The following ANK1 variants were observed in gnomAD, a reference collection of about 807,000 sequenced individuals.
ANK1 encodes ankyrin-1.
ANK1 carries 51 observed loss-of-function variants against 210.4 expected under a neutral mutation model. The observed-to-expected ratio is 0.24, with a 90% CI of 0.19 to 0.31. ANK1 has a LOEUF of 0.31. Ranked by LOEUF, ANK1 falls within the 10% of genes least tolerant of loss-of-function variation. The pLI is 1.00. For synonymous variants in ANK1, 967 were observed against 1,025.9 expected (o/e 0.94, Z 1.10); for missense variants, 2,051 against 2,504.4 (o/e 0.82, Z 3.86).
chr8:41,669,099 T>C (rs981436742), intron 38 of ANK1, among the ~76,000 whole-genome samples: 9 of 150,910 alleles, frequency 6.0e-5, no homozygotes, highest in Non-Finnish European at 1.3e-4. Flanking sequence ...CTAGCTTTCC[T>C]GACTTCTGAA....
rs1010528195 is a variant in ANK1 at position 41,704,845 on chromosome 8, G to C, written c.2098-373C>G. Reference sequence around the variant, plus strand: ...AGAAAAGAGGAGGGAAACCTTGAGAGACCAGCATCACAGAATCCCAGGGGA... The same window carrying C: ...AGAAAAGAGGAGGGAAACCTTGAGACACCAGCATCACAGAATCCCAGGGGA... On this transcript the variant is annotated intron_variant, in intron 18 of 42. Coordinates refer to ENST00000289734, the MANE Select transcript of ANK1 (RefSeq NM_000037.4). This position sits in a 1 kb window ranked among gnomAD's most constrained non-coding sequence, Gnocchi z 4.1. Among the ~76,000 whole-genome samples, 1 of 152,152 alleles carries C rather than the reference G, an allele frequency of 6.6e-6. No individual in the cohort carries two copies. The highest frequency in any genetic ancestry group is 2.4e-5 in the African/African-American group (1 of 41,438).
chr8:41,869,023 A>G (rs542183463), intron 1 of ANK1, among the ~76,000 whole-genome samples: 11 of 152,338 alleles, frequency 7.2e-5, no homozygotes, highest in African/African-American at 2.6e-4. Flanking sequence ...GCAAGATTAA[A>G]TGGGATGAGG....
chr8:41,720,079 A>G (rs1828863613), intron 9 of ANK1, among the ~76,000 whole-genome samples: 1 of 152,126 alleles, frequency 6.6e-6, no homozygotes, highest in Non-Finnish European at 1.5e-5. Context: ...TGTCCAGCAG[A>G]CCCACCTCTT....
At chr8:41,728,136 G>A in intron 3 of ANK1, 130 bp from the exon 4 acceptor site, 1 of 746,850 alleles carries the variant, frequency 1.3e-6, no homozygotes, top group Non-Finnish European at 2.3e-6. Flanking sequence ...GGGTAGAAAG[G>A]ACACACGTGT....
intron 1 of ANK1, among the ~76,000 whole-genome samples, chr8:41,803,023 A>AAG (rs1850224424): frequency 3.9e-5 from 4 of 101,394 alleles, no homozygotes; most frequent in Admixed American, 2.0e-4. Flanking sequence ...GAAAGAAAGA[A>AAG]AGAAAGAAAG....
At chr8:41,793,415 G>C (rs750802678) in intron 1 of ANK1, among the ~76,000 whole-genome samples, 3 of 152,156 alleles carry the variant, frequency 2.0e-5, no homozygotes, top group Non-Finnish European at 4.4e-5. Context: ...AAATACAACA[G>C]TGCAGGATCA....
upstream of ANK1, among the ~76,000 whole-genome samples, chr8:41,799,212 TA>T (rs892708995): frequency 6.6e-6 from 1 of 152,052 alleles, no homozygotes; most frequent in Non-Finnish European, 1.5e-5. Context: ...GCCAGAAAGC[TA>T]AAAAATGTAA....
At chr8:41,666,575 C>T (rs1226499368) in intron 39 of ANK1, among the ~76,000 whole-genome samples, 1 of 152,238 alleles carries the variant, frequency 6.6e-6, no homozygotes, top group Non-Finnish European at 1.5e-5. Context: ...CATTTCAGGC[C>T]ACCTCCCAAG....
intron 40 of ANK1, 143 bp from the exon 41 acceptor site, chr8:41,662,084 C>T: frequency 9.2e-7 from 1 of 1,086,790 alleles, no homozygotes; most frequent in South Asian, 1.3e-5. Flanking sequence ...TGGTGAAACC[C>T]TGTCTCTACT....
rs202044850 is a variant in ANK1 at position 41,696,353 on chromosome 8, G to A, written c.2960+10C>T. 53 of 1,612,754 alleles carry A rather than the reference G, an allele frequency of 3.3e-5. No homozygotes were observed. The highest frequency in any genetic ancestry group is 1.3e-4 in the Admixed American group (8 of 60,028). Reference sequence around the variant, plus strand: ...ACAGGGGAGAACACGGGCTGCCCGCGCAAGCTCACCTCAGGAACTGTGCCC... The same window carrying A: ...ACAGGGGAGAACACGGGCTGCCCGCACAAGCTCACCTCAGGAACTGTGCCC... On this transcript the variant is annotated intron_variant, in intron 26 of 42. Coordinates refer to ENST00000289734, the MANE Select transcript of ANK1 (RefSeq NM_000037.4).
At chr8:41,870,827 G>A (rs1160665948) in intron 1 of ANK1, among the ~76,000 whole-genome samples, 2 of 152,218 alleles carry the variant, frequency 1.3e-5, no homozygotes, top group Non-Finnish European at 2.9e-5. Context: ...TGGCACAGGA[G>A]CATGTGGACA....
chr8:41,710,372 G>T (rs1825801472), intron 16 of ANK1, among the ~76,000 whole-genome samples: 1 of 152,218 alleles, frequency 6.6e-6, no homozygotes, highest in Non-Finnish European at 1.5e-5. Flanking sequence ...CAGAACAACA[G>T]ATAACCCAAC....
At chr8:41,662,047 A>G in intron 40 of ANK1, 106 bp from the exon 41 acceptor site, 4 of 1,418,862 alleles carry the variant, frequency 2.8e-6, no homozygotes, top group Non-Finnish European at 3.9e-6. Flanking sequence ...ATCTGAGGTC[A>G]GGAGTTTGAG....
rs745914244 is a variant in ANK1, at chr8:41,797,564, G to A, written c.-26C>T. On this transcript the variant is annotated 5_prime_UTR_variant, in exon 1 of 43. Coordinates refer to ENST00000289734, the MANE Select transcript of ANK1 (RefSeq NM_000037.4). The surrounding 1 kb of genome is among the most constrained non-coding windows in gnomAD (Gnocchi z 4.0). ...GCCGGTCTTTCAGCAGGGGCCCGCC[G>A]AAGGGCCTTGGGGGCTTGAGGAGGA... is the stretch of plus-strand genomic sequence containing the variant. 3 of 1,613,054 alleles carry A rather than the reference G, an allele frequency of 1.9e-6. No homozygotes were observed. Among genetic ancestry groups the A allele is most frequent in the Non-Finnish European group, 2.5e-6 (3 of 1,179,760 alleles).
Position 41,723,541 on chromosome 8 carries a change from C to T in ANK1, c.804G>A (p.Lys268=), listed in dbSNP as rs1447667158. The change falls in exon 8 of 43, where the codon AAG becomes AAA. Residue 268 remains lysine, a synonymous_variant. Coordinates refer to ENST00000289734, the MANE Select transcript of ANK1 (RefSeq NM_000037.4). Reference sequence around the variant, plus strand: ...AGCACCTGCTGGCACCCACCTTGGTCTTGGTTTCTATCTGGGCTCCCCGAT... The same window carrying T: ...AGCACCTGCTGGCACCCACCTTGGTTTTGGTTTCTATCTGGGCTCCCCGAT... ...LLDRGAQIET[K]TKDELTPLHC... 1 of 1,613,952 alleles carries T rather than the reference C, an allele frequency of 6.2e-7. No individual in the cohort carries two copies. The highest frequency in any genetic ancestry group is 1.3e-5 in the African/African-American group (1 of 74,926).
At chr8:41,839,398 C>T (rs1316099034) in intron 1 of ANK1, among the ~76,000 whole-genome samples, 1 of 152,240 alleles carries the variant, frequency 6.6e-6, no homozygotes, top group African/African-American at 2.4e-5. Flanking sequence ...ACTCTCCGCC[C>T]ACTCATTACA....
chr8:41,706,105 G>A (rs1358768911), intron 18 of ANK1, 38 bp downstream of exon 18: 2 of 1,560,344 alleles, frequency 1.3e-6, no homozygotes, highest in East Asian at 4.5e-5. Flanking sequence ...TGTGAGCAAG[G>A]AGTCCACACA....
At chr8:41,733,877 T>G in intron 3 of ANK1, 94 bp downstream of exon 3, 1 of 1,008,046 alleles carries the variant, frequency 9.9e-7, no homozygotes, top group Admixed American at 1.7e-5. Context: ...TTCAGATGCA[T>G]GCCTGAGTTC....
At chr8:41,687,700 A>G (rs2150582192) in intron 35 of ANK1, among the ~76,000 whole-genome samples, 1 of 152,286 alleles carries the variant, frequency 6.6e-6, no homozygotes, top group South Asian at 2.1e-4. Flanking sequence ...TGGGCAATGG[A>G]CCTGCTGTGG....
Sources: allele counts gnomAD v4.1 joint callset (sites outside exome capture counted in the v4.1 genomes callset), GRCh38; gene constraint gnomAD v4.1.1; non-coding constraint Gnocchi (gnomAD v3.1); transcripts MANE v1.5; gene names NCBI Gene and HGNC (gene_info 2026-07-23, HGNC 2026-07-21).